FAM98B: variants seen among roughly 807,000 people sequenced by gnomAD.
FAM98B encodes the protein tRNA splicing ligase complex subunit 3B.
A neutral mutation model predicts 43.9 loss-of-function variants in FAM98B; 32 were observed. That is an observed-to-expected ratio of 0.73 (90% confidence interval 0.55 to 0.98). FAM98B has a LOEUF of 0.98. Ranked by LOEUF, FAM98B falls within the 50% of genes least tolerant of loss-of-function variation. The probability of loss-of-function intolerance (pLI) is 0.00; values close to 1 mark genes in which losing one functional copy is unlikely to be tolerated. For synonymous variants in FAM98B, 190 were observed against 174.0 expected, an observed-to-expected ratio of 1.09 and a Z score of -0.72; for missense variants, 514 against 522.9, an observed-to-expected ratio of 0.98 and a Z score of 0.17.
At chr15:38,468,672 C>T (rs1890076640) in intron 3 of FAM98B, among the ~76,000 whole-genome samples, 1 of 151,996 alleles carries the variant, frequency 6.6e-6, no homozygotes, top group Admixed American at 6.5e-5. Context: ...GTCTTTAAAC[C>T]AGTGACCCTC....
At chr15:38,476,940 A>G (rs995680539) in intron 6 of FAM98B, among the ~76,000 whole-genome samples, 11 of 152,068 alleles carry the variant, frequency 7.2e-5, no homozygotes, top group African/African-American at 2.7e-4. Flanking sequence ...GCAGTGAGCT[A>G]TAATCATGCC....
At chr15:38,464,250 A>G in intron 2 of FAM98B, 73 bp downstream of exon 2, 8 of 1,412,040 alleles carry the variant, frequency 5.7e-6, no homozygotes, top group South Asian at 3.3e-5. Flanking sequence ...AGTTTTATCA[A>G]TAATGTGCCC....
chr15:38,478,800 T>C (rs908317789), intron 6 of FAM98B, among the ~76,000 whole-genome samples: 3 of 152,352 alleles, frequency 2.0e-5, no homozygotes, highest in African/African-American at 7.2e-5. Context: ...TTTTCTTCAC[T>C]GTTTTACTAG....
Position 38,481,425 on chromosome 15 carries a change from C to T in FAM98B, c.863C>T (p.Thr288Ile), listed in dbSNP as rs1167166133. ...LSKIIRTSSGTSREKTACAIN... is the reference protein window; with the variant it reads ...LSKIIRTSSGISREKTACAIN... ...AAGATCATTAGGACAAGTAGTGGCACCAGCCGGGAGAAGACCGCATGTGCC... is the reference window on the plus strand; with the variant it reads ...AAGATCATTAGGACAAGTAGTGGCATCAGCCGGGAGAAGACCGCATGTGCC... Residue 288 changes from threonine to isoleucine, a missense_variant, in exon 7 of 8, where the codon ACC becomes ATC. By Grantham distance (89) the Thr-to-Ile change is moderately conservative. Transcript: ENST00000397609. 7 of 1,614,172 alleles carry T rather than the reference C, an allele frequency of 4.3e-6. No homozygotes were observed. Among genetic ancestry groups the T allele is most frequent in the Non-Finnish European group, 5.9e-6 (7 of 1,180,020 alleles).
intron 1 of FAM98B, among the ~76,000 whole-genome samples, chr15:38,460,107 T>C (rs1448452793): frequency 6.6e-6 from 1 of 152,154 alleles, no homozygotes; most frequent in Non-Finnish European, 1.5e-5. Flanking sequence ...CTTGAAGTAG[T>C]GTCTGACCAG....
intron 5 of FAM98B, 133 bp downstream of exon 5, chr15:38,473,718 C>A: frequency 1.5e-6 from 1 of 665,930 alleles, no homozygotes; most frequent in Non-Finnish European, 2.5e-6. Flanking sequence ...GATTGATATT[C>A]TGGAGTAATA....
At chr15:38,479,114 A>G (rs1445036324) in intron 6 of FAM98B, among the ~76,000 whole-genome samples, 1 of 152,014 alleles carries the variant, frequency 6.6e-6, no homozygotes, top group African/African-American at 2.4e-5. Flanking sequence ...GTGTGCCACC[A>G]CACCTGGCTA....
In FAM98B at chr15:38,484,941, T is replaced by C. The variant is rs1341802668; in HGVS notation, c.*282T>C. 2 of 323,232 alleles carry C rather than the reference T, an allele frequency of 6.2e-6. No individual in the cohort carries two copies. The highest frequency in any genetic ancestry group is 2.2e-5 in the African/African-American group (1 of 45,836). The allele number at this position is 323,232 out of a possible 1,614,324, so 20.0% of individuals were successfully genotyped here. On this transcript the variant is annotated 3_prime_UTR_variant, in exon 8 of 8. Coordinates refer to ENST00000397609, the MANE Select transcript of FAM98B (RefSeq NM_173611.4). ...AAAATTATTTTTTAAAATGTAAATA[T>C]TTATTACCATCAGACTTGGAAAATG...
chr15:38,463,784 A>G (rs978614986), intron 1 of FAM98B, among the ~76,000 whole-genome samples: 1 of 152,186 alleles, frequency 6.6e-6, no homozygotes, highest in African/African-American at 2.4e-5. Flanking sequence ...TGTTAATTAT[A>G]TAGAGCAGGA....
chr15:38,484,189 A>G, intron 7 of FAM98B, 66 bp from the exon 8 acceptor site: 1 of 1,438,080 alleles, frequency 7.0e-7, no homozygotes, highest in Non-Finnish European at 9.5e-7. Context: ...AAACAACATC[A>G]CTTGAAACTT....
chr15:38,474,289 T>G lies in FAM98B; in HGVS notation c.720T>G (p.Asp240Glu), dbSNP rs1331104360. 4 of 1,610,934 alleles carry G rather than the reference T, an allele frequency of 2.5e-6. No individual in the cohort carries two copies. The Admixed American group carries it at 6.7e-5, about 27-fold the overall frequency. The change falls in exon 6 of 8, where the codon GAT (aspartate) becomes GAG (glutamate). Residue 240 changes from aspartate (D) to glutamate (E), a missense_variant. Asp to Glu is a conservative substitution (Grantham distance 45). Around this residue, in one of 2 missense-constraint regions of FAM98B, gnomAD observed 469 missense variants for 451.8 expected, o/e 1.04. Transcript: ENST00000397609. ...CTGTACAGTCCTTTGGATGGTCTGA[T>G]AGAGCAAAGGTAAGGCTGTTTTCCC... is the stretch of plus-strand genomic sequence containing the variant. ...DVTVQSFGWS[D>E]RAKVKTDDIA...
chr15:38,477,432 C>G (rs1890218789), intron 6 of FAM98B, among the ~76,000 whole-genome samples: 1 of 151,958 alleles, frequency 6.6e-6, no homozygotes, highest in Non-Finnish European at 1.5e-5. Context: ...TTTTATCTGT[C>G]TCTCTTTCAT....
intron 4 of FAM98B, among the ~76,000 whole-genome samples, chr15:38,471,910 G>T (rs1332969093): frequency 6.6e-6 from 1 of 152,102 alleles, no homozygotes; most frequent in Non-Finnish European, 1.5e-5. Context: ...CCCATGTGAG[G>T]TGGTTATAAA....
chr15:38,482,620 A>T (rs536280382), intron 7 of FAM98B: 6 of 152,336 alleles, frequency 3.9e-5, no homozygotes, highest in Admixed American at 1.3e-4. Context: ...TGCACTTTTT[A>T]TATTTCATTT....
At position 38,473,590 on chromosome 15, in the gene FAM98B, A is replaced by G; in HGVS notation, c.612+5A>G. 3 of 1,603,264 alleles carry G rather than the reference A, an allele frequency of 1.9e-6. No homozygotes were observed. The highest frequency in any genetic ancestry group is 2.6e-6 in the Non-Finnish European group (3 of 1,175,368). Reference sequence around the variant, plus strand: ...GATTTAAATTCAGAACAGGCGGTAAATCCCCCTTTTTGTTATTAGTTTTAT... The same window carrying G: ...GATTTAAATTCAGAACAGGCGGTAAGTCCCCCTTTTTGTTATTAGTTTTAT... On this transcript the variant is annotated splice_donor_5th_base_variant and intron_variant, in intron 5 of 7. Transcript: ENST00000397609.
At position 38,484,602 on chromosome 15, in the gene FAM98B, AGGAGGT is replaced by A; in HGVS notation, c.1248_1253del (p.Gly428_Gly429del). Reference sequence around the variant, plus strand: ...GAAGAGGCTATGGAGATCCATATGGAGGAGGTGGTGGTGGTGGTGGTGGTGGTGGTG... The same window carrying A: ...GAAGAGGCTATGGAGATCCATATGGAGGTGGTGGTGGTGGTGGTGGTGGTG... On this transcript the variant is annotated inframe_deletion, in exon 8 of 8. Transcript: ENST00000397609. 1 of 1,009,682 alleles carries A rather than the reference AGGAGGT, an allele frequency of 9.9e-7. No individual in the cohort carries two copies. The highest frequency in any genetic ancestry group is 3.7e-4 in the Middle Eastern group (1 of 2,722). The allele number at this position is 1,009,682 out of a possible 1,614,324, so 62.5% of individuals were successfully genotyped here.
chr15:38,480,781 T>C (rs962153342), intron 6 of FAM98B, among the ~76,000 whole-genome samples: 1 of 152,158 alleles, frequency 6.6e-6, no homozygotes, highest in African/African-American at 2.4e-5. Context: ...TTCAAAATGC[T>C]TTTAGTTATT....
chr15:38,468,571 A>G lies in FAM98B; in HGVS notation c.353-1656A>G, dbSNP rs991492186. ...GGACCTTAGTATAGTCCTCATAAGG[A>G]AAGTTTAATATTGGTCTTAAAGTTT... is the stretch of plus-strand genomic sequence containing the variant. On this transcript the variant is annotated intron_variant, in intron 3 of 7. Coordinates refer to ENST00000397609, the MANE Select transcript of FAM98B (RefSeq NM_173611.4). 2.0e-5 allele frequency among the ~76,000 whole-genome samples: 3 copies of G among 152,308 alleles called. No homozygotes were observed. The East Asian group carries it at 5.8e-4, about 29-fold the overall frequency.
At chr15:38,468,258 T>C (rs1038039180) in intron 3 of FAM98B, among the ~76,000 whole-genome samples, 1 of 152,188 alleles carries the variant, frequency 6.6e-6, no homozygotes, top group African/African-American at 2.4e-5. Context: ...TATTATGAGA[T>C]GGGGTCTCAC....
Sources: gnomAD v4.1 joint callset for allele counts (sites outside exome capture counted in the v4.1 genomes callset) on GRCh38, gnomAD v4.1.1 for gene constraint, gnomAD v4.1.1 regional missense constraint, MANE v1.5 for transcripts, NCBI Gene and HGNC (gene_info 2026-07-23, HGNC 2026-07-21) for gene names.